The following ADARB1 variants were observed in gnomAD, a reference collection of about 807,000 sequenced individuals.
ADARB1 encodes adenosine deaminase RNA specific B1.
Under a neutral mutation model 52.4 loss-of-function variants are expected in ADARB1, and 10 were observed. That is an observed-to-expected ratio of 0.19 (90% CI 0.12 to 0.32). The LOEUF is 0.32. Among genes scored for constraint, ADARB1 ranks in the 10% least tolerant of loss-of-function variants. ADARB1 has a pLI of 1.00. For missense variants in ADARB1, 643 were observed against 922.3 expected, an observed-to-expected ratio of 0.70 and a Z score of 3.92; for synonymous variants, 349 against 371.1, an observed-to-expected ratio of 0.94 and a Z score of 0.68.
chr21:45,223,333 G>C lies in ADARB1; in HGVS notation c.*1136G>C. 1.0e-6 allele frequency: 1 copy of C among 985,490 alleles called. No homozygotes were observed. The highest frequency in any genetic ancestry group is 1.2e-6 in the Non-Finnish European group (1 of 829,944). The allele number at this position is 985,490 out of a possible 1,614,324, so 61.0% of individuals were successfully genotyped here. The stretch of plus-strand genomic sequence containing the variant: ...GCTGGCGTAGTGTAGGCCAGACATT[G>C]ACAGTCCTGACGGGAGCTCAGGGCT... On this transcript the variant is annotated 3_prime_UTR_variant, in exon 11 of 11. Coordinates refer to ENST00000348831, the MANE Select transcript of ADARB1 (RefSeq NM_001112.4).
At chr21:45,165,592 C>G (rs1181356756) in intron 2 of ADARB1, among the ~76,000 whole-genome samples, 2 of 152,158 alleles carry the variant, frequency 1.3e-5, no homozygotes, top group Non-Finnish European at 2.9e-5. Context: ...TTAGATAATA[C>G]TGAAAGCAAA....
chr21:45,091,710 T>C (rs1417979789), intron 1 of ADARB1, among the ~76,000 whole-genome samples: 1 of 152,180 alleles, frequency 6.6e-6, no homozygotes, highest in African/African-American at 2.4e-5. Flanking sequence ...TTGCTCATGC[T>C]CTGGTGTCCT....
intron 1 of ADARB1, among the ~76,000 whole-genome samples, chr21:45,111,115 C>T (rs2087514387): frequency 6.6e-6 from 1 of 152,154 alleles, no homozygotes; most frequent in Non-Finnish European, 1.5e-5. Context: ...GCAGAGCCCG[C>T]CAGGCTGTGC....
intron 1 of ADARB1, among the ~76,000 whole-genome samples, chr21:45,097,162 T>C (rs407157): frequency 0.94 from 143,055 of 152,320 alleles, 67,231 homozygotes; most frequent in East Asian, 0.98. Flanking sequence ...AGGTACGAGA[T>C]GGGTGGGGTT....
At position 45,221,081 on chromosome 21, in the gene ADARB1, T is replaced by A; in HGVS notation, c.1926+67T>A. On this transcript the variant is annotated intron_variant, in intron 10 of 10. Transcript: ENST00000348831. The surrounding 1 kb of genome is among the most constrained non-coding windows in gnomAD (Gnocchi z 4.9). ...CCAATAGCTTGTCTGTCCTCACACC[T>A]ACTGTTCCTTAAGTTGTTTCATCAT... 1 of 1,489,870 alleles carries A rather than the reference T, an allele frequency of 6.7e-7. No homozygotes were observed. The allele number at this position is 1,489,870 out of a possible 1,614,324, so 92.3% of individuals were successfully genotyped here. A position where few individuals can be genotyped will look rare whatever the true frequency, so the allele number is the denominator to read the frequency against.
At chr21:45,109,218 TGC>T (rs2087407220) in intron 1 of ADARB1, among the ~76,000 whole-genome samples, 4 of 148,462 alleles carry the variant, frequency 2.7e-5, no homozygotes, top group Admixed American at 2.7e-4. Flanking sequence ...CGCGCGTGTG[TGC>T]GCGCTTGTGT....
At chr21:45,188,999 A>G (rs1266098469) in intron 8 of ADARB1, among the ~76,000 whole-genome samples, 1 of 152,116 alleles carries the variant, frequency 6.6e-6, no homozygotes, top group East Asian at 1.9e-4. Context: ...TGTGCAGGGA[A>G]ACTCCCCTTT....
At chr21:45,154,608 AT>A (rs960478842) in intron 2 of ADARB1, among the ~76,000 whole-genome samples, 8 of 152,232 alleles carry the variant, frequency 5.3e-5, no homozygotes, top group African/African-American at 1.9e-4. Context: ...CAGTGGCAAT[AT>A]AATTTCAGTG....
At chr21:45,148,743 C>T (rs928774570) in intron 2 of ADARB1, among the ~76,000 whole-genome samples, 4 of 152,186 alleles carry the variant, frequency 2.6e-5, no homozygotes, top group African/African-American at 9.6e-5. Context: ...TTTGCTCTAA[C>T]ATCCGCCCCT....
In ADARB1 at chr21:45,206,983, G is replaced by T. The variant is rs141475850; in HGVS notation, c.1747+2247G>T. Among the ~76,000 whole-genome samples the T allele has an allele frequency of 6.0e-3, 920 of 152,346 alleles. 8 individuals are homozygous for T. Among genetic ancestry groups the T allele is most frequent in the South Asian group, 0.021 (99 of 4,828 alleles). On this transcript the variant is annotated intron_variant, in intron 9 of 10. Coordinates refer to ENST00000348831, the MANE Select transcript of ADARB1 (RefSeq NM_001112.4). ...TTCAGCAGCAGCAGAGAGAGCCTGG[G>T]TTGGAGCCATGAGGCTGCCCCTGCG...
Position 45,224,222 on chromosome 21 carries a change from T to C in ADARB1, c.*2025T>C. The C allele has an allele frequency of 4.1e-6, 4 of 985,456 alleles. No homozygotes were observed. Among genetic ancestry groups the C allele is most frequent in the Non-Finnish European group, 4.8e-6 (4 of 829,948 alleles). The allele number at this position is 985,456 out of a possible 1,614,324, so 61.0% of individuals were successfully genotyped here. ...GGATTTTGGTTACCAAGTTTAGTGT[T>C]AATATATTCCATATACATACAAAAC... is the stretch of plus-strand genomic sequence containing the variant. On this transcript the variant is annotated 3_prime_UTR_variant, in exon 11 of 11. Transcript: ENST00000348831.
chr21:45,197,977 A>G (rs953248911), intron 8 of ADARB1, among the ~76,000 whole-genome samples: 1 of 152,104 alleles, frequency 6.6e-6, no homozygotes, highest in African/African-American at 2.4e-5. Flanking sequence ...TACAAATGTC[A>G]AAACTTACCA....
chr21:45,180,177 A>G lies in ADARB1; in HGVS notation c.964-153A>G, dbSNP rs1206527028. Among the ~76,000 whole-genome samples the G allele has an allele frequency of 2.0e-5, 3 of 152,348 alleles. No individual in the cohort carries two copies. The East Asian group carries it at 5.8e-4, about 29-fold the overall frequency. On this transcript the variant is annotated intron_variant, in intron 4 of 10. Coordinates refer to ENST00000348831, the MANE Select transcript of ADARB1 (RefSeq NM_001112.4). ...AAGGAATGTTCTGGAAGAAACATAC[A>G]CACATACTTGTTTGCCAGATTTACC...
intron 2 of ADARB1, among the ~76,000 whole-genome samples, chr21:45,156,999 A>G (rs1319283838): frequency 1.3e-5 from 2 of 152,200 alleles, no homozygotes; most frequent in East Asian, 3.8e-4. Context: ...GGGCCCAAGT[A>G]AGGAAAGTTG....
Position 45,223,114 on chromosome 21 carries a change from C to T in ADARB1, c.*917C>T, listed in dbSNP as rs78107327. ...TACTGCACAATACATGGCCTAAGTT[C>T]CCTCTGTTCCTTCCTCTGAATCGAA... On this transcript the variant is annotated 3_prime_UTR_variant, in exon 11 of 11. Transcript: ENST00000348831. 0.048 allele frequency: 47,119 copies of T among 985,386 alleles called. 1,272 individuals carry two copies. Among genetic ancestry groups the T allele is most frequent in the Non-Finnish European group, 0.053 (43,936 of 829,908 alleles). 61.0% of individuals were successfully genotyped at this position (985,386 alleles called of 1,614,324 possible).
At chr21:45,210,528 G>A (rs879577187) in intron 9 of ADARB1, among the ~76,000 whole-genome samples, 18 of 152,318 alleles carry the variant, frequency 1.2e-4, no homozygotes, top group East Asian at 5.8e-4. Context: ...ACTGACTGCC[G>A]TCCTCAGGCC....
At position 45,200,346 on chromosome 21, in the gene ADARB1, C is replaced by T. The variant is rs1014153097; in HGVS notation, c.1566-4209C>T. Reference sequence around the variant, plus strand: ...CCACAAGACCATGGGGTGAGAGGCTCCCATGGGGTTGGCCACCCCACGGTG... The same window carrying T: ...CCACAAGACCATGGGGTGAGAGGCTTCCATGGGGTTGGCCACCCCACGGTG... On this transcript the variant is annotated intron_variant, in intron 8 of 10. Coordinates refer to ENST00000348831, the MANE Select transcript of ADARB1 (RefSeq NM_001112.4). The surrounding 1 kb of genome is among the most constrained non-coding windows in gnomAD (Gnocchi z 5.0). 1.3e-5 allele frequency among the ~76,000 whole-genome samples: 2 copies of T among 152,162 alleles called. No homozygotes were observed. Among genetic ancestry groups the T allele is most frequent in the African/African-American group, 2.4e-5 (1 of 41,452 alleles).
intron 3 of ADARB1, among the ~76,000 whole-genome samples, chr21:45,173,214 T>G (rs1466975447): frequency 6.6e-6 from 1 of 152,230 alleles, no homozygotes; most frequent in Non-Finnish European, 1.5e-5. Context: ...GATGTTGTAG[T>G]GCTAAAACGT....
At chr21:45,091,422 G>A (rs1291665553) in intron 1 of ADARB1, among the ~76,000 whole-genome samples, 2 of 152,198 alleles carry the variant, frequency 1.3e-5, no homozygotes, top group African/African-American at 4.8e-5. Flanking sequence ...TGAAAGTGTT[G>A]TAATACTACA....
Sources: gnomAD v4.1 joint callset for allele counts (sites outside exome capture counted in the v4.1 genomes callset) on GRCh38, gnomAD v4.1.1 for gene constraint, Gnocchi (gnomAD v3.1) non-coding constraint, MANE v1.5 for transcripts, NCBI Gene and HGNC (gene_info 2026-07-23, HGNC 2026-07-21) for gene names.